GARIN1B: variants seen among roughly 807,000 people sequenced by gnomAD.
The protein encoded by GARIN1B is Golgi-associated RAB2 interactor protein 1B.
chr7:128,719,339 ATTTTATG>A, the GARIN1B span, among the ~76,000 whole-genome samples: 4 of 151,970 alleles, frequency 2.6e-5, no homozygotes, highest in Non-Finnish European at 5.9e-5. Context: ...ACCATTGTGG[ATTTTATG>A]GTGGATTATG....
chr7:128,724,237 C>T, the GARIN1B span, among the ~76,000 whole-genome samples: 1 of 152,184 alleles, frequency 6.6e-6, no homozygotes, highest in African/African-American at 2.4e-5. Context: ...TCTCGAATTC[C>T]TGACCTAAAG....
At chr7:128,715,092 G>C in the GARIN1B span, 1 of 188,644 alleles carries the variant, frequency 5.3e-6, no homozygotes, top group Non-Finnish European at 9.9e-6. Flanking sequence ...TTGAAAGGCA[G>C]GAAGGGCATT....
the GARIN1B span, chr7:128,724,967 T>A: frequency 1.0e-6 from 1 of 1,001,536 alleles, no homozygotes; most frequent in Non-Finnish European, 1.3e-6. Context: ...TTCAGATCTG[T>A]AAAATGGAAA....
chr7:128,724,231 G>T, the GARIN1B span, among the ~76,000 whole-genome samples: 1 of 152,064 alleles, frequency 6.6e-6, no homozygotes, highest in East Asian at 1.9e-4. Context: ...GGCTGGTCTC[G>T]AATTCCTGAC....
At chr7:128,715,276 C>G in the GARIN1B span, 38 of 1,441,324 alleles carry the variant, frequency 2.6e-5, no homozygotes, top group Non-Finnish European at 3.4e-5. Flanking sequence ...AGGGAGGCTC[C>G]TTTGCACTTC....
the GARIN1B span, chr7:128,715,820 G>A: frequency 1.2e-6 from 1 of 833,716 alleles, no homozygotes; most frequent in Admixed American, 2.4e-5. Flanking sequence ...AGTGGACCTG[G>A]AATGCAAGGC....
the GARIN1B span, among the ~76,000 whole-genome samples, chr7:128,728,774 A>G: frequency 6.6e-6 from 1 of 152,248 alleles, no homozygotes; most frequent in Admixed American, 6.5e-5. Context: ...ACATATCTGC[A>G]GACCACATTC....
At chr7:128,714,755 A>G in the GARIN1B span, among the ~76,000 whole-genome samples, 1 of 152,088 alleles carries the variant, frequency 6.6e-6, no homozygotes, top group African/African-American at 2.4e-5. Flanking sequence ...AAGAGGGGGA[A>G]CAGCTTGGGA....
chr7:128,724,050 G>A, the GARIN1B span, among the ~76,000 whole-genome samples: 1 of 152,128 alleles, frequency 6.6e-6, no homozygotes, highest in Non-Finnish European at 1.5e-5. Context: ...TCACTCTGTC[G>A]CCCAGGCTGG....
chr7:128,718,573 G>A, the GARIN1B span, among the ~76,000 whole-genome samples: 1 of 152,196 alleles, frequency 6.6e-6, no homozygotes, highest in African/African-American at 2.4e-5. Context: ...GTAGGTGGAA[G>A]TTACAATGCA....
the GARIN1B span, among the ~76,000 whole-genome samples, chr7:128,714,862 C>T: frequency 6.6e-6 from 1 of 152,112 alleles, no homozygotes; most frequent in African/African-American, 2.4e-5. Flanking sequence ...CCTGCTTCTT[C>T]AGTTTGACCT....
chr7:128,731,476 C>G, the GARIN1B span: 648 of 357,054 alleles, frequency 1.8e-3, 4 homozygotes, highest in African/African-American at 0.013. Context: ...ATGAGAGACA[C>G]AAAGAGAAGT....
the GARIN1B span, among the ~76,000 whole-genome samples, chr7:128,728,293 T>C: frequency 6.6e-6 from 1 of 151,932 alleles, no homozygotes; most frequent in African/African-American, 2.4e-5. Context: ...AATACAAAAA[T>C]TGGCTGGGCA....
the GARIN1B span, chr7:128,718,880 C>T: frequency 3.0e-5 from 48 of 1,614,178 alleles, no homozygotes; most frequent in African/African-American, 2.0e-4. Flanking sequence ...CCACTATCAA[C>T]GCATCCTGCA....
the GARIN1B span, chr7:128,715,261 G>A: frequency 2.1e-6 from 3 of 1,429,656 alleles, no homozygotes; most frequent in Non-Finnish European, 9.1e-7. Context: ...GCTCTCTGGA[G>A]GAAAAGGGAG....
the GARIN1B span, chr7:128,718,837 C>A: frequency 0.23 from 365,279 of 1,613,088 alleles, 42,528 homozygotes; most frequent in South Asian, 0.29. Flanking sequence ...TCAGGATTCT[C>A]CCATTGAGGT....
At chr7:128,726,742 A>G in the GARIN1B span, 3 of 1,473,244 alleles carry the variant, frequency 2.0e-6, no homozygotes, top group Non-Finnish European at 2.8e-6. Context: ...TGCATCAGGA[A>G]CTTTGGAACA....
At chr7:128,713,200 G>C in the GARIN1B span, among the ~76,000 whole-genome samples, 1 of 151,982 alleles carries the variant, frequency 6.6e-6, no homozygotes, top group Admixed American at 6.6e-5. Flanking sequence ...CCAGTTACTC[G>C]GGAGGCTGAG....
chr7:128,719,461 G>A, the GARIN1B span, among the ~76,000 whole-genome samples: 8 of 151,408 alleles, frequency 5.3e-5, no homozygotes, highest in Non-Finnish European at 1.0e-4. Flanking sequence ...ATACCCCCTC[G>A]CCCATTTGCA....
Sources: allele counts gnomAD v4.1 joint callset (sites outside exome capture counted in the v4.1 genomes callset), GRCh38; gene constraint gnomAD v4.1.1; transcripts MANE v1.5; gene names NCBI Gene and HGNC (gene_info 2026-07-23, HGNC 2026-07-21).